Variants in ARID3C observed in about 807,000 individuals in gnomAD.
ARID3C encodes AT-rich interaction domain 3C.
Under a neutral mutation model 37.9 loss-of-function variants are expected in ARID3C, and 42 were observed. The observed-to-expected ratio is 1.11, with a 90% CI of 0.87 to 1.43. The LOEUF (loss-of-function observed/expected upper bound fraction) is 1.43, where lower values mean the gene tolerates loss of function less well. ARID3C is among the 40% of genes most tolerant of loss of function. The pLI is 0.00. For missense variants in ARID3C, 581 were observed against 548.8 expected (o/e 1.06, Z -0.59); for synonymous variants, 213 against 228.0 (o/e 0.93, Z 0.59).
chr9:34,630,002 A>T (rs1820709190), upstream of ARID3C, among the ~76,000 whole-genome samples: 1 of 151,984 alleles, frequency 6.6e-6, no homozygotes, highest in Admixed American at 6.6e-5. Flanking sequence ...ACCTCAAGTG[A>T]TCCACCCACC....
chr9:34,622,189 C>T (rs914290899), intron 5 of ARID3C, 80 bp from the exon 7 acceptor site: 4 of 1,585,930 alleles, frequency 2.5e-6, no homozygotes, highest in Non-Finnish European at 3.5e-6. Context: ...CCCTCCATCC[C>T]CGTAGACAGC....
Position 34,627,733 on chromosome 9 carries a change from A to T in ARID3C, c.282T>A (p.His94Gln), listed in dbSNP as rs752587798. 395 of 1,613,426 alleles carry T rather than the reference A, an allele frequency of 2.4e-4. 3 individuals carry two copies. The Admixed American group carries it at 6.5e-3, about 26-fold the overall frequency. The change falls in exon 1 of 7, where the codon CAT becomes CAA. Residue 94 changes from histidine (H) to glutamine (Q), a missense_variant. His to Gln is a conservative substitution (Grantham distance 24). Transcript: ENST00000378909. ...GTTCCTCGTAGGTCCACTCGTGGGG[A>T]TGGAGTCCAGGGGGCTGGCTAGAAG...
chr9:34,621,187 A>T (rs1252641711), downstream of ARID3C, among the ~76,000 whole-genome samples: 2 of 152,226 alleles, frequency 1.3e-5, no homozygotes, highest in Admixed American at 1.3e-4. Flanking sequence ...GATGACATTG[A>T]CAGAGGGAAC....
At position 34,622,072 on chromosome 9, in the gene ARID3C, A is replaced by C. The variant is rs767910203; in HGVS notation, c.1086T>G (p.Ser362Arg). 18 of 1,613,976 alleles carry C rather than the reference A, an allele frequency of 1.1e-5. No homozygotes were observed. In the Admixed American group the frequency reaches 3.0e-4, roughly 27 times the overall value. ...GGGCCATGTTGATACTGCTGATGCC[A>C]CTGCCTGCCAGATTAAGAGGCCCAT... is the stretch of plus-strand genomic sequence containing the variant. The change falls in exon 6 of 7, where the codon AGT becomes AGG. Residue 362 changes from serine to arginine, a missense_variant. Transcript: ENST00000378909.
exon 1 of ARID3C, chr9:34,627,945 G>C (rs1283477554): frequency 6.5e-7 from 1 of 1,550,050 alleles, no homozygotes; most frequent in African/African-American, 1.4e-5. Context: ...GGCAGCAGCG[G>C]GCATGCAGGG....
At chr9:34,624,227 G>A (rs1055926918) in intron 2 of ARID3C, among the ~76,000 whole-genome samples, 180 bp from the exon 4 acceptor site, 1 of 150,156 alleles carries the variant, frequency 6.7e-6, no homozygotes, top group African/African-American at 2.4e-5. Flanking sequence ...AACGGGGGGG[G>A]GCAAAGTTCT....
chr9:34,624,051 G>C lies in ARID3C; in HGVS notation c.392-4C>G. The C allele has an allele frequency of 1.3e-6, 2 of 1,578,434 alleles. No homozygotes were observed. Among genetic ancestry groups the C allele is most frequent in the Non-Finnish European group, 1.7e-6 (2 of 1,164,776 alleles). On this transcript the variant is annotated splice_region_variant and splice_polypyrimidine_tract_variant and intron_variant, in intron 2 of 6. Transcript: ENST00000378909. ...GGCACGCGGTTCACTGGCGTCCCTG[G>C]TGGGGAGCGGGCTGCCGTCAGGACA...
At chr9:34,626,601 T>A (rs545800584) in intron 1 of ARID3C, among the ~76,000 whole-genome samples, 2 of 152,138 alleles carry the variant, frequency 1.3e-5, no homozygotes, top group African/African-American at 2.4e-5. Context: ...CACCTATAGA[T>A]AATATTCCAT....
chr9:34,629,244 G>C (rs1221428566), upstream of ARID3C, among the ~76,000 whole-genome samples: 1 of 152,188 alleles, frequency 6.6e-6, no homozygotes, highest in Non-Finnish European at 1.5e-5. Context: ...GCGAAAATGA[G>C]GGCTCTACCG....
At chr9:34,623,931 G>A (rs768367505) in exon 3 of ARID3C, 2 of 1,605,500 alleles carry the variant, frequency 1.2e-6, no homozygotes, top group South Asian at 2.2e-5. Context: ...GTGACTTCCC[G>A]CCACACTTTG....
chr9:34,621,128 T>G (rs980229396), downstream of ARID3C, among the ~76,000 whole-genome samples: 2 of 152,098 alleles, frequency 1.3e-5, no homozygotes, highest in Non-Finnish European at 2.9e-5. Flanking sequence ...AACCTTTCAC[T>G]TGGCTCCTGA....
At position 34,628,043 on chromosome 9, in the gene ARID3C, G is replaced by T; in HGVS notation, c.-29C>A. On this transcript the variant is annotated 5_prime_UTR_variant, in exon 1 of 7. Coordinates refer to ENST00000378909, the Ensembl canonical transcript of ARID3C. This position sits in a 1 kb window ranked among gnomAD's most constrained non-coding sequence, Gnocchi z 5.2. ...AGCTTCCAGGCGCAGTCCCCCAGCTGAGGGGGTCCCTGGTACCAGGCGGGA... is the reference window on the plus strand; with the variant it reads ...AGCTTCCAGGCGCAGTCCCCCAGCTTAGGGGGTCCCTGGTACCAGGCGGGA... 6.9e-7 allele frequency: 1 copy of T among 1,455,338 alleles called. No homozygotes were observed. The highest frequency in any genetic ancestry group is 9.1e-7 in the Non-Finnish European group (1 of 1,104,334). 90.2% of individuals were successfully genotyped at this position (1,455,338 alleles called of 1,614,324 possible). A position where few individuals can be genotyped will look rare whatever the true frequency, so the allele number is the denominator to read the frequency against.
At chr9:34,623,953 T>A in exon 3 of ARID3C, 1 of 1,606,328 alleles carries the variant, frequency 6.2e-7, no homozygotes, top group Non-Finnish European at 8.5e-7. Flanking sequence ...GGTTGATGAC[T>A]TCCACCAGGC....
chr9:34,631,061 A>G (rs1820719232), upstream of ARID3C, among the ~76,000 whole-genome samples: 1 of 152,180 alleles, frequency 6.6e-6, no homozygotes, highest in African/African-American at 2.4e-5. Flanking sequence ...TGGAGAGCAG[A>G]GGGTAGCAAT....
rs1401651480 is a variant in ARID3C at position 34,622,017 on chromosome 9, T to A, written c.1138+3A>T. 12 of 1,613,924 alleles carry A rather than the reference T, an allele frequency of 7.4e-6. No homozygotes were observed. The highest frequency in any genetic ancestry group is 1.0e-5 in the Non-Finnish European group (12 of 1,179,868). ...CAGTGTAGACAGCCTGCAGTACCCATACCAGTGTAGACCACCCCGTTGATC... is the reference window on the plus strand; with the variant it reads ...CAGTGTAGACAGCCTGCAGTACCCAAACCAGTGTAGACCACCCCGTTGATC... On this transcript the variant is annotated splice_donor_region_variant and intron_variant, in intron 6 of 6. Coordinates refer to ENST00000378909, the Ensembl canonical transcript of ARID3C.
exon 6 of ARID3C, chr9:34,622,050 C>A: frequency 6.2e-7 from 1 of 1,614,130 alleles, no homozygotes; most frequent in Non-Finnish European, 8.5e-7. Flanking sequence ...ATCTCTAGGG[C>A]CATGTTGATA....
At chr9:34,622,142 G>A (rs934333691) in intron 5 of ARID3C, 33 bp from the exon 7 acceptor site, 6 of 1,611,518 alleles carry the variant, frequency 3.7e-6, no homozygotes, top group Non-Finnish European at 5.1e-6. Context: ...ATCACATTTT[G>A]GAGAATCAGA....
intron 2 of ARID3C, 69 bp downstream of exon 3, chr9:34,625,673 C>T: frequency 6.3e-7 from 1 of 1,582,534 alleles, no homozygotes; most frequent in Non-Finnish European, 8.7e-7. Flanking sequence ...CAGGGAGAAC[C>T]CAACCGGGTT....
chr9:34,624,225 G>A (rs540881810), intron 2 of ARID3C, among the ~76,000 whole-genome samples, 178 bp from the exon 4 acceptor site: 71 of 151,310 alleles, frequency 4.7e-4, no homozygotes, highest in African/African-American at 1.5e-3. Context: ...AGAACGGGGG[G>A]GGGCAAAGTT....
Sources: gnomAD v4.1 joint callset for allele counts (sites outside exome capture counted in the v4.1 genomes callset) on GRCh38, gnomAD v4.1.1 for gene constraint, Gnocchi (gnomAD v3.1) non-coding constraint, MANE v1.5 for transcripts, NCBI Gene and HGNC (gene_info 2026-07-23, HGNC 2026-07-21) for gene names.